Variants in PCDHA1 observed in about 807,000 individuals in gnomAD.
PCDHA1 encodes the protein protocadherin alpha 1, also known as protocadherin alpha-1.
In PCDHA1, 42 loss-of-function variants were observed where a neutral mutation model predicts 61.3. That is an observed-to-expected ratio of 0.69 (90% CI 0.54 to 0.89). The LOEUF (loss-of-function observed/expected upper bound fraction) is 0.89. Ranked by LOEUF, PCDHA1 falls within the 40% of genes least tolerant of loss-of-function variation. The pLI, the probability that PCDHA1 is intolerant of heterozygous loss-of-function variation, is 0.00. For missense variants in PCDHA1, 1,256 were observed against 1,235.3 expected (o/e 1.02, Z -0.25); for synonymous variants, 610 against 553.8 (o/e 1.10, Z -1.43).
At chr5:140,820,842 T>G in intron 1 of PCDHA1, among the ~76,000 whole-genome samples, 1 of 152,168 alleles carries the variant, frequency 6.6e-6, no homozygotes, top group African/African-American at 2.4e-5. Flanking sequence ...AATAGCAACT[T>G]GAAGAAATGC....
At chr5:140,850,229 C>A (rs2150474580) in intron 1 of PCDHA1, 3 of 1,593,694 alleles carry the variant, frequency 1.9e-6, no homozygotes, top group African/African-American at 2.7e-5. Flanking sequence ...GCGCAGTGAG[C>A]GAGATGGTGC....
At chr5:140,870,142 C>T (rs782428763) in intron 1 of PCDHA1, 3 of 1,613,946 alleles carry the variant, frequency 1.9e-6, no homozygotes, top group South Asian at 1.1e-5. Flanking sequence ...CGATAACTCT[C>T]CTGAAGTCGC....
intron 1 of PCDHA1, chr5:140,843,625 C>T: frequency 6.3e-7 from 1 of 1,596,072 alleles, no homozygotes; most frequent in Non-Finnish European, 8.6e-7. Flanking sequence ...CGAAGACGGA[C>T]CTCATGGCCT....
intron 1 of PCDHA1, chr5:140,824,277 CT>C: frequency 8.7e-7 from 1 of 1,143,248 alleles, no homozygotes; most frequent in Non-Finnish European, 1.3e-6. Flanking sequence ...GTATTATATG[CT>C]TTTTATGAGG....
intron 1 of PCDHA1, among the ~76,000 whole-genome samples, chr5:140,917,128 C>T (rs2077898518): frequency 6.6e-6 from 1 of 152,044 alleles, no homozygotes; most frequent in Non-Finnish European, 1.5e-5. Flanking sequence ...GCAGACTCCC[C>T]ACGTTGCTCA....
intron 1 of PCDHA1, among the ~76,000 whole-genome samples, chr5:140,922,507 C>G (rs2080870221): frequency 1.3e-5 from 2 of 152,154 alleles, no homozygotes; most frequent in Non-Finnish European, 2.9e-5. Flanking sequence ...AGCAGATGCA[C>G]CATTATTTCA....
chr5:140,902,191 C>G (rs1218204978), intron 1 of PCDHA1, among the ~76,000 whole-genome samples: 1 of 147,360 alleles, frequency 6.8e-6, no homozygotes, highest in Non-Finnish European at 1.5e-5. Context: ...TGTCTTCTCT[C>G]TCTCTCTCTT....
rs1489202467 is a variant in PCDHA1 at position 140,882,704 on chromosome 5, A to G, written c.2394+94020A>G. ...GAAACGAATAATCATTGCAGAATCTAGACCTCCGGAAACTCGATTTCCACT... is the reference window on the plus strand; with the variant it reads ...GAAACGAATAATCATTGCAGAATCTGGACCTCCGGAAACTCGATTTCCACT... On this transcript the variant is annotated intron_variant, in intron 1 of 3. Coordinates refer to ENST00000504120, the MANE Select transcript of PCDHA1 (RefSeq NM_018900.4). 6 of 1,614,110 alleles carry G rather than the reference A, an allele frequency of 3.7e-6. No individual in the cohort carries two copies. The African/African-American group carries it at 8.0e-5, about 22-fold the overall frequency.
intron 3 of PCDHA1, among the ~76,000 whole-genome samples, chr5:141,001,598 G>C (rs2098027263): frequency 6.6e-6 from 1 of 152,088 alleles, no homozygotes; most frequent in South Asian, 2.1e-4. Flanking sequence ...ACTCAGATTA[G>C]GTTTGCCCAA....
rs1255289031 is a variant in PCDHA1 at position 141,010,188 on chromosome 5, T to C, written c.*251T>C. On this transcript the variant is annotated 3_prime_UTR_variant, in exon 4 of 4. Transcript: ENST00000504120. Reference sequence around the variant, plus strand: ...CAGAACCTAAAAAGCAGACCCAAGTTTCCTTTCTCCTCCGCCGCAAAGGAG... The same window carrying C: ...CAGAACCTAAAAAGCAGACCCAAGTCTCCTTTCTCCTCCGCCGCAAAGGAG... 1.3e-6 allele frequency: 2 copies of C among 1,552,952 alleles called. No individual in the cohort carries two copies. Among genetic ancestry groups the C allele is most frequent in the Non-Finnish European group, 8.7e-7 (1 of 1,147,482 alleles).
Position 140,876,997 on chromosome 5 carries a change from T to G in PCDHA1, c.2394+88313T>G, listed in dbSNP as rs1024280391. 6.8e-6 allele frequency: 11 copies of G among 1,612,358 alleles called. No homozygotes were observed. The African/African-American group carries it at 1.1e-4, about 16-fold the overall frequency. On this transcript the variant is annotated intron_variant, in intron 1 of 3. Transcript: ENST00000504120. ...CGAGCACGCACTGTCGAGCTACGTG[T>G]CGGTGCACGCGGAGAGCGGCAAGGT...
chr5:140,797,338 G>C, intron 1 of PCDHA1: 1 of 1,614,096 alleles, frequency 6.2e-7, no homozygotes, highest in South Asian at 1.1e-5. Flanking sequence ...CTCAGAATCA[G>C]AATACGTAGG....
chr5:140,807,151 A>T, intron 1 of PCDHA1: 1 of 1,580,442 alleles, frequency 6.3e-7, no homozygotes, highest in Non-Finnish European at 8.6e-7. Context: ...ACTTTGAGAA[A>T]CGATATTTAA....
chr5:140,806,238 T>TA (rs1357103768), intron 1 of PCDHA1, among the ~76,000 whole-genome samples: 30 of 152,172 alleles, frequency 2.0e-4, no homozygotes, highest in Admixed American at 1.5e-3. Flanking sequence ...GCTTGTTTAT[T>TA]AAAAAAAGCT....
chr5:140,844,542 G>T (rs1779426877), intron 1 of PCDHA1, among the ~76,000 whole-genome samples: 1 of 149,020 alleles, frequency 6.7e-6, no homozygotes, highest in Admixed American at 6.7e-5. Flanking sequence ...TCAACCCTTT[G>T]TTCATGAGTT....
intron 1 of PCDHA1, among the ~76,000 whole-genome samples, chr5:140,964,195 T>C (rs2095816434): frequency 6.6e-6 from 1 of 152,216 alleles, no homozygotes; most frequent in South Asian, 2.1e-4. Context: ...AAATAGAGTA[T>C]ACCATCTCTT....
intron 1 of PCDHA1, among the ~76,000 whole-genome samples, chr5:140,790,384 A>T (rs919035219): frequency 2.8e-4 from 43 of 152,370 alleles, no homozygotes; most frequent in African/African-American, 9.4e-4. Context: ...AACATACATG[A>T]ATGTCCCCTT....
At chr5:140,862,887 G>A (rs781965401) in intron 1 of PCDHA1, 8 of 562,884 alleles carry the variant, frequency 1.4e-5, no homozygotes, top group Non-Finnish European at 2.7e-5. Flanking sequence ...GTGCTGGAAC[G>A]ACAACTTTGT....
chr5:140,919,981 T>TA (rs869118855), intron 1 of PCDHA1, among the ~76,000 whole-genome samples: 2 of 133,388 alleles, frequency 1.5e-5, no homozygotes, highest in Admixed American at 7.6e-5. Flanking sequence ...AGATAGAAGA[T>TA]GGAAAACAGA....
Sources: gnomAD v4.1 joint callset for allele counts (sites outside exome capture counted in the v4.1 genomes callset) on GRCh38, gnomAD v4.1.1 for gene constraint, MANE v1.5 for transcripts, NCBI Gene and HGNC (gene_info 2026-07-23, HGNC 2026-07-21) for gene names.